The following CADM2 variants were observed in gnomAD, a reference collection of about 807,000 sequenced individuals.
The protein encoded by CADM2 is immunoglobulin superfamily member 4D.
Under a neutral mutation model 49.8 loss-of-function variants are expected in CADM2, and 12 were observed. The observed-to-expected ratio is 0.24, with a 90% CI of 0.15 to 0.39. CADM2 has a LOEUF of 0.39. CADM2 is among the 10% of genes least tolerant of loss of function. CADM2 has a pLI of 1.00. For synonymous variants in CADM2, 214 were observed against 175.4 expected (o/e 1.22, Z -1.74); for missense variants, 378 against 492.3 (o/e 0.77, Z 2.20).
chr3:85,427,221 A>G (rs886806227), intron 1 of CADM2, among the ~76,000 whole-genome samples: 1 of 146,090 alleles, frequency 6.8e-6, no homozygotes, highest in African/African-American at 2.6e-5. Context: ...GTTTGTAGCT[A>G]CCATTATTTG....
intron 6 of CADM2, among the ~76,000 whole-genome samples, chr3:85,923,015 GGGTTTCACCAT>G (rs1270716509): frequency 2.0e-5 from 3 of 151,896 alleles, no homozygotes; most frequent in Non-Finnish European, 2.9e-5. Flanking sequence ...AGTAGAGACA[GGGTTTCACCAT>G]GTTAGCGAGG....
intron 1 of CADM2, among the ~76,000 whole-genome samples, chr3:85,574,611 A>C (rs2062576667): frequency 6.6e-6 from 1 of 152,180 alleles, no homozygotes; most frequent in African/African-American, 2.4e-5. Context: ...TAGTTGTTTC[A>C]TCTCTTTTAG....
chr3:85,492,281 A>T (rs183945928), intron 1 of CADM2, among the ~76,000 whole-genome samples: 1 of 152,224 alleles, frequency 6.6e-6, no homozygotes, highest in Admixed American at 6.5e-5. Flanking sequence ...GTAAGGAAAC[A>T]TTTTCTCTTT....
chr3:85,681,947 C>T (rs755147939), intron 1 of CADM2, among the ~76,000 whole-genome samples: 1 of 152,084 alleles, frequency 6.6e-6, no homozygotes, highest in Non-Finnish European at 1.5e-5. Context: ...AAGGGCTCAG[C>T]ATGCATTTTG....
chr3:85,677,126 T>C (rs1025052378), intron 1 of CADM2, among the ~76,000 whole-genome samples: 3 of 152,166 alleles, frequency 2.0e-5, no homozygotes, highest in African/African-American at 7.2e-5. Flanking sequence ...TTGACCTTAT[T>C]ACTGATTAAT....
chr3:85,102,741 T>G (rs1046322501), intron 1 of CADM2, among the ~76,000 whole-genome samples: 1 of 152,178 alleles, frequency 6.6e-6, no homozygotes, highest in African/African-American at 2.4e-5. Flanking sequence ...AATGCATGAA[T>G]TCTTTATTTC....
At chr3:85,366,508 T>G (rs1285169187) in intron 1 of CADM2, among the ~76,000 whole-genome samples, 1 of 152,230 alleles carries the variant, frequency 6.6e-6, no homozygotes, top group African/African-American at 2.4e-5. Flanking sequence ...TTATTTGTGG[T>G]AATTTTTCAT....
At chr3:85,879,582 G>T (rs1212088473) in intron 3 of CADM2, among the ~76,000 whole-genome samples, 1 of 152,096 alleles carries the variant, frequency 6.6e-6, no homozygotes, top group Non-Finnish European at 1.5e-5. Context: ...TCACCCTCTT[G>T]TGTAGTAAAT....
At chr3:85,281,041 A>G (rs548415528) in intron 1 of CADM2, among the ~76,000 whole-genome samples, 120 of 152,064 alleles carry the variant, frequency 7.9e-4, no homozygotes, top group African/African-American at 2.7e-3. Flanking sequence ...CTCAACATCT[A>G]GGATTAAATG....
At chr3:85,170,663 A>C (rs377476487) in intron 1 of CADM2, among the ~76,000 whole-genome samples, 2 of 152,056 alleles carry the variant, frequency 1.3e-5, no homozygotes, top group African/African-American at 4.8e-5. Flanking sequence ...AAAATTCTTC[A>C]TGGCTTTTCT....
intron 8 of CADM2, among the ~76,000 whole-genome samples, chr3:85,973,595 C>T (rs559984914): frequency 1.1e-4 from 16 of 151,820 alleles, no homozygotes; most frequent in Admixed American, 5.3e-4. Flanking sequence ...GAGTTATAAT[C>T]AGTGTACTGC....
intron 1 of CADM2, among the ~76,000 whole-genome samples, chr3:85,587,390 A>G (rs1404381278): frequency 6.6e-6 from 1 of 152,144 alleles, no homozygotes; most frequent in Non-Finnish European, 1.5e-5. Flanking sequence ...TGAATTAAAG[A>G]ATCCAGATAG....
intron 1 of CADM2, among the ~76,000 whole-genome samples, chr3:85,180,110 A>C (rs114072493): frequency 0.036 from 5,447 of 152,208 alleles, 347 homozygotes; most frequent in African/African-American, 0.12. Context: ...TAAATAAAAT[A>C]AATAAGTAAA....
intron 1 of CADM2, among the ~76,000 whole-genome samples, chr3:85,157,311 C>T (rs1051618867): frequency 6.7e-6 from 1 of 150,208 alleles, no homozygotes. Flanking sequence ...GCTACCAATG[C>T]CTTTCTTCAC....
intron 1 of CADM2, among the ~76,000 whole-genome samples, chr3:85,251,926 T>C (rs2042783865): frequency 2.0e-5 from 3 of 151,990 alleles, no homozygotes; most frequent in African/African-American, 7.2e-5. Flanking sequence ...TCAACATGAA[T>C]GGCATTTTCA....
intron 1 of CADM2, among the ~76,000 whole-genome samples, chr3:85,397,138 A>T (rs1265118627): frequency 6.6e-6 from 1 of 152,192 alleles, no homozygotes; most frequent in Non-Finnish European, 1.5e-5. Context: ...ACAAGTGGCC[A>T]GTAAACACAA....
intron 7 of CADM2, among the ~76,000 whole-genome samples, chr3:85,946,041 G>A (rs911378594): frequency 9.9e-5 from 15 of 152,090 alleles, no homozygotes; most frequent in African/African-American, 3.6e-4. Context: ...CATCATCTGA[G>A]CCCAAAATCT....
intron 1 of CADM2, among the ~76,000 whole-genome samples, chr3:85,008,934 G>T (rs2033864205): frequency 6.6e-6 from 1 of 152,118 alleles, no homozygotes; most frequent in Non-Finnish European, 1.5e-5. Flanking sequence ...AGCATAGCAA[G>T]AAAAAGAACA....
chr3:85,918,827 T>A (rs1718726665), intron 6 of CADM2, among the ~76,000 whole-genome samples: 2 of 152,090 alleles, frequency 1.3e-5, no homozygotes, highest in Admixed American at 1.3e-4. Context: ...TTGCACAGAT[T>A]TCTTTGTAAA....
Sources: allele counts gnomAD v4.1 joint callset (sites outside exome capture counted in the v4.1 genomes callset), GRCh38; gene constraint gnomAD v4.1.1; transcripts MANE v1.5; gene names NCBI Gene and HGNC (gene_info 2026-07-23, HGNC 2026-07-21).